The following ST6GALNAC5 variants were observed in gnomAD, a reference collection of about 807,000 sequenced individuals.
ST6GALNAC5 encodes the protein alpha-N-acetylgalactosaminide alpha-2,6-sialyltransferase 5.
A neutral mutation model predicts 33.6 loss-of-function variants in ST6GALNAC5; 27 were observed. That is an observed-to-expected ratio of 0.80 (90% CI 0.59 to 1.11). The LOEUF (loss-of-function observed/expected upper bound fraction) is 1.11, where lower values mean the gene tolerates loss of function less well. Ranked by LOEUF, ST6GALNAC5 falls within the 50% of genes least tolerant of loss-of-function variation. The probability of loss-of-function intolerance (pLI) is 0.00; values close to 1 mark genes in which losing one functional copy is unlikely to be tolerated. For synonymous variants in ST6GALNAC5, 194 were observed against 171.2 expected, an observed-to-expected ratio of 1.13 and a Z score of -1.04; for missense variants, 428 against 454.0, an observed-to-expected ratio of 0.94 and a Z score of 0.52.
chr1:76,924,428 G>C (rs1359676000), intron 2 of ST6GALNAC5, among the ~76,000 whole-genome samples: 1 of 152,128 alleles, frequency 6.6e-6, no homozygotes, highest in Non-Finnish European at 1.5e-5. Flanking sequence ...TGAGTGACTG[G>C]ATGAATACAC....
chr1:77,043,391 G>T (rs571957720), intron 2 of ST6GALNAC5, among the ~76,000 whole-genome samples: 3 of 152,378 alleles, frequency 2.0e-5, no homozygotes, highest in Non-Finnish European at 4.4e-5. Flanking sequence ...TGAACACCAT[G>T]TCCTGGCCAG....
chr1:76,915,826 A>T (rs139044929), intron 2 of ST6GALNAC5, among the ~76,000 whole-genome samples: 5,495 of 151,804 alleles, frequency 0.036, 350 homozygotes, highest in African/African-American at 0.13. Flanking sequence ...ACATGTACCC[A>T]AAAACTTAAA....
In ST6GALNAC5 at chr1:77,065,818, C is replaced by T. The variant is rs1243465938; in HGVS notation, c.*2612C>T. On this transcript the variant is annotated 3_prime_UTR_variant, in exon 5 of 5. Coordinates refer to ENST00000477717, the MANE Select transcript of ST6GALNAC5 (RefSeq NM_030965.3). ...TACATGCCTTTTTCCTCTCTCCCAG[C>T]TGTGTCATCAGCTCCCTCCTAGCTT... 1 of 152,200 alleles carries T rather than the reference C, an allele frequency of 6.6e-6. No homozygotes were observed. Among genetic ancestry groups the T allele is most frequent in the African/African-American group, 2.4e-5 (1 of 41,462 alleles). The allele number at this position is 152,200 out of a possible 1,614,324, so 9.4% of individuals were successfully genotyped here. A position where few individuals can be genotyped will look rare whatever the true frequency, so the allele number is the denominator to read the frequency against.
intron 2 of ST6GALNAC5, among the ~76,000 whole-genome samples, chr1:77,041,325 T>G (rs535114976): frequency 6.6e-6 from 1 of 152,332 alleles, no homozygotes; most frequent in South Asian, 2.1e-4. Flanking sequence ...CTGTCATGGT[T>G]TGTCTGGGGG....
chr1:76,938,179 A>C (rs1000074744), intron 2 of ST6GALNAC5, among the ~76,000 whole-genome samples: 1 of 152,078 alleles, frequency 6.6e-6, no homozygotes, highest in Admixed American at 6.6e-5. Context: ...AGACAGCACT[A>C]GTACCTTTGG....
At chr1:77,002,080 T>C (rs1463803693) in intron 2 of ST6GALNAC5, among the ~76,000 whole-genome samples, 1 of 152,052 alleles carries the variant, frequency 6.6e-6, no homozygotes, top group Non-Finnish European at 1.5e-5. Flanking sequence ...AGTTCCTCCT[T>C]GTACCTCTGG....
intron 2 of ST6GALNAC5, among the ~76,000 whole-genome samples, chr1:76,897,914 G>C (rs954999880): frequency 6.6e-6 from 1 of 152,216 alleles, no homozygotes; most frequent in Non-Finnish European, 1.5e-5. Flanking sequence ...GTAATGTGGA[G>C]TGGGTAGCCT....
At chr1:77,058,850 G>A (rs1377610563) in intron 4 of ST6GALNAC5, among the ~76,000 whole-genome samples, 2 of 152,156 alleles carry the variant, frequency 1.3e-5, no homozygotes, top group African/African-American at 4.8e-5. Context: ...GTCTCCCTGG[G>A]TATCAGATGC....
At chr1:76,946,118 C>T (rs2100331248) in intron 2 of ST6GALNAC5, among the ~76,000 whole-genome samples, 1 of 152,196 alleles carries the variant, frequency 6.6e-6, no homozygotes, top group South Asian at 2.1e-4. Flanking sequence ...GAGTTAACTA[C>T]TTAGGTGGCC....
chr1:76,911,213 G>T lies in ST6GALNAC5; in HGVS notation c.261+42471G>T, dbSNP rs1646908207. Among the ~76,000 whole-genome samples the T allele has an allele frequency of 2.0e-5, 3 of 152,226 alleles. No individual in the cohort carries two copies. In the South Asian group the frequency reaches 6.2e-4, roughly 32 times the overall value. On this transcript the variant is annotated intron_variant, in intron 2 of 4. Transcript: ENST00000477717. Reference sequence around the variant, plus strand: ...CTATTGAGATAATCATGTGGTTTTTGTCTTTGGTTCTGTTTATATGCTGGA... The same window carrying T: ...CTATTGAGATAATCATGTGGTTTTTTTCTTTGGTTCTGTTTATATGCTGGA...
At chr1:77,025,532 T>C (rs116143131) in intron 2 of ST6GALNAC5, among the ~76,000 whole-genome samples, 1,423 of 134,112 alleles carry the variant, frequency 0.011, 30 homozygotes, top group African/African-American at 0.04. Context: ...AAAAAAAAAA[T>C]GGATCATAGA....
intron 2 of ST6GALNAC5, among the ~76,000 whole-genome samples, chr1:76,919,856 A>G (rs1483573269): frequency 2.0e-5 from 3 of 152,218 alleles, no homozygotes; most frequent in Non-Finnish European, 4.4e-5. Context: ...TGAGAACTGT[A>G]GTATCACTAC....
chr1:76,970,884 G>T (rs952060708), intron 2 of ST6GALNAC5, among the ~76,000 whole-genome samples: 2 of 152,082 alleles, frequency 1.3e-5, no homozygotes, highest in African/African-American at 4.8e-5. Context: ...TATGTAATTT[G>T]TAGCACTACA....
At chr1:77,020,813 G>A (rs199682) in intron 2 of ST6GALNAC5, among the ~76,000 whole-genome samples, 29,716 of 152,128 alleles carry the variant, frequency 0.2, 3,095 homozygotes, top group Admixed American at 0.25. Flanking sequence ...TGGAGGCTGA[G>A]GCTGGAATCA....
chr1:76,897,117 A>G (rs910585556), intron 2 of ST6GALNAC5, among the ~76,000 whole-genome samples: 3 of 150,892 alleles, frequency 2.0e-5, no homozygotes, highest in Non-Finnish European at 2.9e-5. Context: ...GACTGAAGTA[A>G]TGGGGGCTGC....
At chr1:77,009,027 C>G (rs892193310) in intron 2 of ST6GALNAC5, among the ~76,000 whole-genome samples, 1 of 152,168 alleles carries the variant, frequency 6.6e-6, no homozygotes, top group Non-Finnish European at 1.5e-5. Flanking sequence ...TCAGGAATTC[C>G]TACTTGGGCT....
intron 2 of ST6GALNAC5, among the ~76,000 whole-genome samples, chr1:76,962,099 A>T (rs1247722230): frequency 6.6e-6 from 1 of 152,192 alleles, no homozygotes; most frequent in Non-Finnish European, 1.5e-5. Context: ...GATTTTTTTT[A>T]AGAAGTGATT....
intron 4 of ST6GALNAC5, among the ~76,000 whole-genome samples, chr1:77,057,276 C>T (rs1037056543): frequency 1.4e-4 from 21 of 152,182 alleles, no homozygotes; most frequent in African/African-American, 5.1e-4. Flanking sequence ...CTAGATCACA[C>T]TATAGGAGAG....
At chr1:77,053,805 A>T (rs1402148247) in intron 4 of ST6GALNAC5, among the ~76,000 whole-genome samples, 3 of 152,186 alleles carry the variant, frequency 2.0e-5, no homozygotes, top group African/African-American at 7.2e-5. Context: ...GTGGATGCTC[A>T]TTGGCGCATT....
Sources: gnomAD v4.1 joint callset for allele counts (sites outside exome capture counted in the v4.1 genomes callset) on GRCh38, gnomAD v4.1.1 for gene constraint, MANE v1.5 for transcripts, NCBI Gene and HGNC (gene_info 2026-07-23, HGNC 2026-07-21) for gene names.